EPHA5: variants seen among roughly 807,000 people sequenced by gnomAD.
EPHA5 encodes the protein ephrin type-A receptor 5.
A neutral mutation model predicts 105.0 loss-of-function variants in EPHA5; 60 were observed. The ratio of observed to expected loss-of-function variants is 0.57; its 90% CI spans 0.46 to 0.71. EPHA5 has a LOEUF of 0.71. EPHA5 is among the 30% of genes least tolerant of loss of function. The probability of loss-of-function intolerance (pLI) is 0.00; values close to 1 mark genes in which losing one functional copy is unlikely to be tolerated. For missense variants in EPHA5, 1,218 were observed against 1,274.7 expected, an observed-to-expected ratio of 0.96 and a Z score of 0.68; for synonymous variants, 513 against 449.1, an observed-to-expected ratio of 1.14 and a Z score of -1.80.
chr4:65,494,856 T>C (rs531605433), intron 4 of EPHA5, among the ~76,000 whole-genome samples: 2 of 152,254 alleles, frequency 1.3e-5, no homozygotes, highest in East Asian at 3.9e-4. Context: ...TGTTCTTTTA[T>C]AAATGACTTC....
chr4:65,536,848 C>T (rs907824566), intron 3 of EPHA5, among the ~76,000 whole-genome samples: 3 of 151,454 alleles, frequency 2.0e-5, no homozygotes, highest in Admixed American at 6.6e-5. Context: ...TGATCTATGG[C>T]ACCCAAAGGG....
chr4:65,351,353 G>T (rs1311009446), intron 13 of EPHA5, 36 bp downstream of exon 13: 2 of 1,576,512 alleles, frequency 1.3e-6, no homozygotes, highest in Non-Finnish European at 1.7e-6. Context: ...AATGGCTCTG[G>T]TCTAGTGTTT....
intron 3 of EPHA5, among the ~76,000 whole-genome samples, chr4:65,579,377 A>ATATATAT (rs1560727039): frequency 1.1e-4 from 10 of 92,268 alleles, no homozygotes; most frequent in South Asian, 3.6e-4. Flanking sequence ...TATATATATA[A>ATATATAT]ATATATATAT....
intron 5 of EPHA5, among the ~76,000 whole-genome samples, chr4:65,443,788 T>C (rs543003245): frequency 1.3e-4 from 20 of 152,260 alleles, no homozygotes; most frequent in East Asian, 1.9e-4. Flanking sequence ...CAGAAAACCA[T>C]TGGGCAAAGG....
chr4:65,406,920 A>T (rs1478840112), intron 7 of EPHA5, among the ~76,000 whole-genome samples: 1 of 151,882 alleles, frequency 6.6e-6, no homozygotes, highest in Non-Finnish European at 1.5e-5. Flanking sequence ...CTGTTACTAA[A>T]TCTTTCTTAA....
intron 3 of EPHA5, among the ~76,000 whole-genome samples, chr4:65,582,801 G>A (rs1020977708): frequency 1.3e-5 from 2 of 151,576 alleles, no homozygotes; most frequent in Non-Finnish European, 3.0e-5. Context: ...AGTCTGCAAA[G>A]GTATAAAATA....
rs1255221322 is a variant in EPHA5 at position 65,669,907 on chromosome 4, A to G, written c.-165T>C. ...AATGTAGGAACCACGGATCCGGCTGAGACAGCTGAAGTTTGCTTCTGGCTC... is the reference window on the plus strand; with the variant it reads ...AATGTAGGAACCACGGATCCGGCTGGGACAGCTGAAGTTTGCTTCTGGCTC... On this transcript the variant is annotated 5_prime_UTR_variant, in exon 1 of 17. Transcript: ENST00000613740. The G allele has an allele frequency of 9.2e-7, 1 of 1,089,646 alleles. No homozygotes were observed. The highest frequency in any genetic ancestry group is 1.6e-5 in the African/African-American group (1 of 61,624). 67.5% of individuals were successfully genotyped at this position (1,089,646 alleles called of 1,614,324 possible). A position where few individuals can be genotyped will look rare whatever the true frequency, so the allele number is the denominator to read the frequency against.
At chr4:65,581,383 A>G (rs955967360) in intron 3 of EPHA5, among the ~76,000 whole-genome samples, 9 of 151,676 alleles carry the variant, frequency 5.9e-5, no homozygotes, top group African/African-American at 2.2e-4. Context: ...AAGAAGTCAA[A>G]AGATTAGAGG....
At chr4:65,632,107 T>C (rs1220169193) in intron 2 of EPHA5, among the ~76,000 whole-genome samples, 1 of 152,032 alleles carries the variant, frequency 6.6e-6, no homozygotes, top group Non-Finnish European at 1.5e-5. Context: ...ACATAATGTA[T>C]AGATGAAGAA....
chr4:65,616,454 C>CACACACAG (rs1454115764), intron 2 of EPHA5, among the ~76,000 whole-genome samples: 7 of 147,852 alleles, frequency 4.7e-5, no homozygotes, highest in African/African-American at 1.5e-4. Flanking sequence ...CACACACACA[C>CACACACAG]AGAGAGAGAG....
At chr4:65,555,493 C>T (rs576729168) in intron 3 of EPHA5, among the ~76,000 whole-genome samples, 6 of 151,660 alleles carry the variant, frequency 4.0e-5, no homozygotes, top group Admixed American at 1.3e-4. Context: ...CTGCAAACAC[C>T]CATGACACAA....
At chr4:65,425,813 AT>A (rs1235224066) in intron 5 of EPHA5, among the ~76,000 whole-genome samples, 7 of 151,808 alleles carry the variant, frequency 4.6e-5, no homozygotes, top group African/African-American at 1.7e-4. Flanking sequence ...TTCTGCTTAT[AT>A]TTGGTATTTT....
intron 14 of EPHA5, among the ~76,000 whole-genome samples, chr4:65,342,039 T>C (rs1721779800): frequency 6.6e-6 from 1 of 152,166 alleles, no homozygotes; most frequent in African/African-American, 2.4e-5. Flanking sequence ...CTTAGATCAG[T>C]AGACTTCCAG....
At chr4:65,608,436 G>A (rs746231596) in intron 2 of EPHA5, among the ~76,000 whole-genome samples, 23 of 151,816 alleles carry the variant, frequency 1.5e-4, no homozygotes, top group South Asian at 4.1e-4. Context: ...CCCATGAGGC[G>A]GAGCCTGCAG....
At chr4:65,551,248 TTA>T (rs201862252) in intron 3 of EPHA5, among the ~76,000 whole-genome samples, 1,589 of 111,316 alleles carry the variant, frequency 0.014, 15 homozygotes, top group African/African-American at 0.033. Flanking sequence ...GTGTATATAT[TTA>T]TATATGTGTG....
intron 14 of EPHA5, among the ~76,000 whole-genome samples, chr4:65,338,102 T>C (rs1328937121): frequency 6.6e-6 from 1 of 151,984 alleles, no homozygotes; most frequent in South Asian, 2.1e-4. Flanking sequence ...ATGAGAAACA[T>C]ACTAGCCAAT....
chr4:65,519,870 AT>A (rs1018872806), intron 3 of EPHA5, among the ~76,000 whole-genome samples: 22 of 152,320 alleles, frequency 1.4e-4, no homozygotes, highest in Middle Eastern at 3.4e-3. Flanking sequence ...GCTCAAAAAA[AT>A]AAAAGAGGAC....
intron 2 of EPHA5, among the ~76,000 whole-genome samples, chr4:65,631,262 G>A (rs1197616126): frequency 1.3e-5 from 2 of 152,056 alleles, no homozygotes; most frequent in Non-Finnish European, 2.9e-5. Flanking sequence ...TTGTGAAACT[G>A]AATTGTTCAT....
rs1184643261 is a variant in EPHA5 at position 65,573,469 on chromosome 4, A to G, written c.910+28172T>C. On this transcript the variant is annotated intron_variant, in intron 3 of 16. Coordinates refer to ENST00000613740, the MANE Select transcript of EPHA5 (RefSeq NM_001281766.3). The stretch of plus-strand genomic sequence containing the variant: ...TTCCCATCTTGCAAGATGGCGGGTG[A>G]AAAAGTTTAGAAGCCAGATACTAAA... 6.2e-5 allele frequency: 90 copies of G among 1,458,700 alleles called. 2 individuals carry two copies. The Admixed American group carries it at 1.9e-3, about 31-fold the overall frequency. 90.4% of individuals were successfully genotyped at this position (1,458,700 alleles called of 1,614,324 possible).
Sources: gnomAD v4.1 joint callset for allele counts (sites outside exome capture counted in the v4.1 genomes callset) on GRCh38, gnomAD v4.1.1 for gene constraint, MANE v1.5 for transcripts, NCBI Gene and HGNC (gene_info 2026-07-23, HGNC 2026-07-21) for gene names.